Variants in TYW1 observed in about 807,000 individuals in gnomAD.
TYW1 encodes the protein tRNA-yW synthesizing protein 1 homolog, also known as S-adenosyl-L-methionine-dependent tRNA 4-demethylwyosine synthase TYW1.
In TYW1, 46 loss-of-function variants were observed where a neutral mutation model predicts 96.2. That is an observed-to-expected ratio of 0.48 (90% CI 0.38 to 0.61). TYW1 has a LOEUF of 0.61. TYW1 is among the 20% of genes least tolerant of loss of function. TYW1 has a pLI of 0.00. For synonymous variants in TYW1, 274 were observed against 323.0 expected (o/e 0.85, Z 1.63); for missense variants, 684 against 909.6 (o/e 0.75, Z 3.19).
chr7:67,081,543 C>T (rs1026434413), intron 10 of TYW1, among the ~76,000 whole-genome samples: 1 of 150,982 alleles, frequency 6.6e-6, no homozygotes, highest in Non-Finnish European at 1.5e-5. Context: ...GTTTACTTTT[C>T]CATGCCTTTT....
chr7:67,112,933 T>C (rs2115947784), intron 12 of TYW1, among the ~76,000 whole-genome samples: 1 of 152,328 alleles, frequency 6.6e-6, no homozygotes, highest in Non-Finnish European at 1.5e-5. Flanking sequence ...AACCTAACCC[T>C]GGCAGGACAT....
At chr7:67,112,049 A>G (rs1468471759) in intron 12 of TYW1, among the ~76,000 whole-genome samples, 4 of 141,720 alleles carry the variant, frequency 2.8e-5, no homozygotes, top group Admixed American at 7.5e-5. Flanking sequence ...CAGTGGGCCA[A>G]GATTGTGCCA....
Position 67,018,074 on chromosome 7 carries a change from C to A in TYW1, c.792C>A (p.His264Gln). The change falls in exon 6 of 16, where the codon CAC becomes CAA. Residue 264 changes from histidine (H) to glutamine (Q), a missense_variant. Transcript: ENST00000359626. ...GCAAGAAAGGCAAATGTGAATCTCA[C>A]CAACATGGCTCAGAGGAGAGGGAGG... Reference protein sequence around the residue: ...GHCKKGKCESHQHGSEEREEG... With the variant: ...GHCKKGKCESQQHGSEEREEG... 1 of 1,614,060 alleles carries A rather than the reference C, an allele frequency of 6.2e-7. No homozygotes were observed. The highest frequency in any genetic ancestry group is 8.5e-7 in the Non-Finnish European group (1 of 1,180,030).
intron 10 of TYW1, among the ~76,000 whole-genome samples, chr7:67,071,702 G>A (rs1452472767): frequency 6.6e-6 from 1 of 151,746 alleles, no homozygotes; most frequent in Non-Finnish European, 1.5e-5. Flanking sequence ...CTCACTGCAA[G>A]CTCCACCTCC....
intron 9 of TYW1, among the ~76,000 whole-genome samples, chr7:67,064,350 CAT>C (rs1175417028): frequency 6.6e-6 from 1 of 152,140 alleles, no homozygotes; most frequent in Non-Finnish European, 1.5e-5. Context: ...GAGAGATAGA[CAT>C]ATAAATCAAG....
At chr7:67,203,902 A>G (rs1800682926) in intron 15 of TYW1, among the ~76,000 whole-genome samples, 1 of 152,180 alleles carries the variant, frequency 6.6e-6, no homozygotes, top group Non-Finnish European at 1.5e-5. Flanking sequence ...TTTGGCAGGT[A>G]AAGTATTCTG....
At chr7:67,228,153 G>C (rs1801625045) in intron 15 of TYW1, among the ~76,000 whole-genome samples, 1 of 152,208 alleles carries the variant, frequency 6.6e-6, no homozygotes, top group South Asian at 2.1e-4. Flanking sequence ...GCCTATAGCA[G>C]TGTATTAGTC....
At chr7:67,099,475 T>A (rs1047775944) in intron 12 of TYW1, among the ~76,000 whole-genome samples, 17 of 152,266 alleles carry the variant, frequency 1.1e-4, no homozygotes, top group South Asian at 8.3e-4. Context: ...GACCACAGAA[T>A]GTGTGAAAGA....
intron 7 of TYW1, among the ~76,000 whole-genome samples, chr7:67,028,753 T>C (rs2129248981): frequency 6.6e-6 from 1 of 152,296 alleles, no homozygotes; most frequent in Non-Finnish European, 1.5e-5. Flanking sequence ...CATTTATCCA[T>C]GATCCAGCAG....
Position 66,998,902 on chromosome 7 carries a change from T to C in TYW1, c.221T>C (p.Ile74Thr). 2 of 1,614,098 alleles carry C rather than the reference T, an allele frequency of 1.2e-6. No homozygotes were observed. Among genetic ancestry groups the C allele is most frequent in the Non-Finnish European group, 1.7e-6 (2 of 1,179,984 alleles). Residue 74 changes from isoleucine (I) to threonine (T), a missense_variant, in exon 3 of 16, where the codon ATC becomes ACC. Transcript: ENST00000359626. ...NGYVSLQEKD[I>T]FVSGVKIFYG... ...TATGTCTCCCTTCAAGAGAAAGACA[T>C]CTTTGTGTCTGGAGTGAAGATTTTT...
At chr7:67,221,017 G>A (rs1363775741) in intron 15 of TYW1, among the ~76,000 whole-genome samples, 2 of 152,198 alleles carry the variant, frequency 1.3e-5, no homozygotes. Context: ...GTGAGCCACC[G>A]CGCCCGTCCA....
At chr7:67,148,368 T>C (rs923208846) in intron 13 of TYW1, among the ~76,000 whole-genome samples, 5 of 151,202 alleles carry the variant, frequency 3.3e-5, no homozygotes, top group Non-Finnish European at 7.4e-5. Flanking sequence ...AAAATTAACA[T>C]GAGTCCGAGA....
chr7:67,183,140 C>T lies in TYW1; in HGVS notation c.1713C>T (p.Val571=). The part of the protein sequence containing the change: ...KALAVKQQRT[V]YRLTLVKAWN... ...CTTTGTTTTAGCAACAACGAACTGT[C>T]TACAGACTGACGCTCGTGAAAGCAT... is the stretch of plus-strand genomic sequence containing the variant. The change falls in exon 14 of 16, where the codon GTC becomes GTT. Residue 571 remains valine (V), a synonymous_variant. Transcript: ENST00000359626. The T allele has an allele frequency of 6.2e-7, 1 of 1,612,078 alleles. No individual in the cohort carries two copies. Among genetic ancestry groups the T allele is most frequent in the Non-Finnish European group, 8.5e-7 (1 of 1,178,962 alleles).
intron 15 of TYW1, among the ~76,000 whole-genome samples, chr7:67,196,989 A>G (rs1325895258): frequency 1.3e-5 from 2 of 152,202 alleles, no homozygotes; most frequent in Admixed American, 6.5e-5. Context: ...CCACTTGTTA[A>G]CTAGGTGACT....
chr7:67,013,739 CT>C (rs931500833), intron 4 of TYW1, among the ~76,000 whole-genome samples: 17,336 of 97,334 alleles, frequency 0.18, 540 homozygotes, highest in African/African-American at 0.22. Context: ...GCATTTTTTC[CT>C]TTTTTTTTTT....
intron 8 of TYW1, among the ~76,000 whole-genome samples, chr7:67,050,976 C>T (rs1795337395): frequency 6.6e-6 from 1 of 151,760 alleles, no homozygotes. Flanking sequence ...ACTGCAACCT[C>T]TGCCTCCTGG....
intron 13 of TYW1, among the ~76,000 whole-genome samples, chr7:67,148,621 C>CG (rs1364520861): frequency 6.6e-6 from 1 of 151,872 alleles, no homozygotes; most frequent in Non-Finnish European, 1.5e-5. Context: ...TTAGTAGAGA[C>CG]GGGGTTTCAC....
intron 3 of TYW1, among the ~76,000 whole-genome samples, chr7:67,005,783 C>A (rs1793559205): frequency 6.6e-6 from 1 of 152,322 alleles, no homozygotes; most frequent in Admixed American, 6.5e-5. Context: ...AAACCCTGCA[C>A]TGACCCCTTC....
At chr7:67,227,306 G>T (rs1478484002) in intron 15 of TYW1, among the ~76,000 whole-genome samples, 2 of 152,082 alleles carry the variant, frequency 1.3e-5, no homozygotes, top group Non-Finnish European at 2.9e-5. Context: ...GCCCATGCTG[G>T]AATGCAGTGG....
Sources: gnomAD v4.1 joint callset for allele counts (sites outside exome capture counted in the v4.1 genomes callset) on GRCh38, gnomAD v4.1.1 for gene constraint, MANE v1.5 for transcripts, NCBI Gene and HGNC (gene_info 2026-07-23, HGNC 2026-07-21) for gene names.